HECW2: variants seen among roughly 807,000 people sequenced by gnomAD.
HECW2 encodes E3 ubiquitin-protein ligase HECW2.
In HECW2, 61 loss-of-function variants were observed where a neutral mutation model predicts 175.2. The ratio of observed to expected loss-of-function variants is 0.35; its 90% CI spans 0.28 to 0.43. HECW2 has a LOEUF of 0.43. Ranked by LOEUF, HECW2 falls within the 20% of genes least tolerant of loss-of-function variation. HECW2 has a pLI of 1.00. For missense variants in HECW2, 1,524 were observed against 2,000.5 expected (o/e 0.76, Z 4.54); for synonymous variants, 671 against 731.0 (o/e 0.92, Z 1.32).
chr2:196,368,322 G>A (rs566286721), intron 2 of HECW2, among the ~76,000 whole-genome samples: 3 of 152,246 alleles, frequency 2.0e-5, no homozygotes, highest in African/African-American at 7.2e-5. Context: ...TCTCATTGCA[G>A]TTTTGCTGTG....
chr2:196,569,719 T>C (rs1446445282), intron 1 of HECW2, among the ~76,000 whole-genome samples: 1 of 152,270 alleles, frequency 6.6e-6, no homozygotes, highest in Non-Finnish European at 1.5e-5. Context: ...TAAATTATAA[T>C]GAACACACTA....
chr2:196,208,766 G>C (rs1271874238), intron 28 of HECW2, among the ~76,000 whole-genome samples: 1 of 152,188 alleles, frequency 6.6e-6, no homozygotes, highest in African/African-American at 2.4e-5. Context: ...GAGGCTGGTA[G>C]GTGTCATGGG....
At chr2:196,550,769 G>A (rs1245830288) in intron 1 of HECW2, among the ~76,000 whole-genome samples, 1 of 152,092 alleles carries the variant, frequency 6.6e-6, no homozygotes, top group African/African-American at 2.4e-5. Context: ...GAATTCTATT[G>A]TAAGAATGTA....
At chr2:196,549,208 A>G (rs1411503163) in intron 1 of HECW2, among the ~76,000 whole-genome samples, 1 of 152,240 alleles carries the variant, frequency 6.6e-6, no homozygotes, top group Non-Finnish European at 1.5e-5. Context: ...AATAATTATA[A>G]AGGAAACACA....
rs1426818495 is a variant in HECW2 at position 196,198,548 on chromosome 2, T to C, written c.*2729A>G. 2 of 152,224 alleles carry C rather than the reference T, an allele frequency of 1.3e-5. No homozygotes were observed. The highest frequency in any genetic ancestry group is 4.8e-5 in the African/African-American group (2 of 41,452). The allele number at this position is 152,224 out of a possible 1,614,324, so 9.4% of individuals were successfully genotyped here. ...TTGTAGCTCCATCGTCAAACAAACA[T>C]CAAACTGGCACAGAGGGAATGCCAA... is the stretch of plus-strand genomic sequence containing the variant. On this transcript the variant is annotated 3_prime_UTR_variant, in exon 29 of 29. Transcript: ENST00000644978.
intron 2 of HECW2, among the ~76,000 whole-genome samples, chr2:196,383,197 C>T (rs1050329747): frequency 3.9e-4 from 60 of 152,284 alleles, no homozygotes; most frequent in African/African-American, 1.3e-3. Flanking sequence ...GTCTGATTTG[C>T]GTAACTGCTG....
chr2:196,205,909 C>T (rs1687050197), intron 28 of HECW2, among the ~76,000 whole-genome samples: 1 of 152,088 alleles, frequency 6.6e-6, no homozygotes, highest in Admixed American at 6.5e-5. Flanking sequence ...AACAAGACAG[C>T]ATTGCTAATA....
chr2:196,317,126 G>A (rs145234166), intron 10 of HECW2, 148 bp downstream of exon 10: 96 of 633,376 alleles, frequency 1.5e-4, no homozygotes, highest in African/African-American at 1.1e-3. Context: ...AGCACGTCCC[G>A]GACTACACCT....
chr2:196,242,234 T>C lies in HECW2; in HGVS notation c.3530-30A>G, dbSNP rs751060378. The C allele has an allele frequency of 5.6e-6, 9 of 1,613,678 alleles. No individual in the cohort carries two copies. The South Asian group carries it at 7.7e-5, about 14-fold the overall frequency. On this transcript the variant is annotated intron_variant, in intron 19 of 28. Transcript: ENST00000644978. ...AGCAAACCACAAAGAGAGGACAATCTGGATTTGTGCCTCGTCCTTATGTTC... is the reference window on the plus strand; with the variant it reads ...AGCAAACCACAAAGAGAGGACAATCCGGATTTGTGCCTCGTCCTTATGTTC...
chr2:196,473,807 G>A (rs1011577984), intron 1 of HECW2, among the ~76,000 whole-genome samples: 1 of 152,200 alleles, frequency 6.6e-6, no homozygotes, highest in Non-Finnish European at 1.5e-5. Context: ...CACAATCTAG[G>A]AAACTGAATG....
intron 18 of HECW2, among the ~76,000 whole-genome samples, chr2:196,257,509 G>T (rs1191002884): frequency 6.6e-6 from 1 of 152,078 alleles, no homozygotes; most frequent in East Asian, 1.9e-4. Flanking sequence ...GTAAACGGTG[G>T]ATGCCTTGTT....
chr2:196,276,549 G>C (rs778475618), intron 15 of HECW2, among the ~76,000 whole-genome samples: 1 of 152,168 alleles, frequency 6.6e-6, no homozygotes, highest in African/African-American at 2.4e-5. Context: ...AAAGGGCACG[G>C]GCTATGCAAT....
chr2:196,195,260 A>G lies in HECW2; in HGVS notation c.*6017T>C, dbSNP rs1686648982. 6.6e-6 allele frequency: 1 copy of G among 152,224 alleles called. No homozygotes were observed. The highest frequency in any genetic ancestry group is 2.1e-4 in the South Asian group (1 of 4,834). 9.4% of individuals were successfully genotyped at this position (152,224 alleles called of 1,614,324 possible). A position where few individuals can be genotyped will look rare whatever the true frequency, so the allele number is the denominator to read the frequency against. On this transcript the variant is annotated 3_prime_UTR_variant, in exon 29 of 29. Coordinates refer to ENST00000644978, the MANE Select transcript of HECW2 (RefSeq NM_001348768.2). ...GGTGATAGTAACCAGAAGTTGACTG[A>G]TGGTTCCTTACCTGCATCAGTAATA...
rs1385137698 is a variant in HECW2 at position 196,208,733 on chromosome 2, C to A, written c.4607+7132G>T. 4.6e-5 allele frequency among the ~76,000 whole-genome samples: 7 copies of A among 152,210 alleles called. No homozygotes were observed. The East Asian group carries it at 1.3e-3, about 29-fold the overall frequency. Reference sequence around the variant, plus strand: ...AGCCTTGAAGCATAATTGAGTTTGGCATATTTGAGGAATACACAGAAGGAG... The same window carrying A: ...AGCCTTGAAGCATAATTGAGTTTGGAATATTTGAGGAATACACAGAAGGAG... On this transcript the variant is annotated intron_variant, in intron 28 of 28. Coordinates refer to ENST00000644978, the MANE Select transcript of HECW2 (RefSeq NM_001348768.2).
rs968468221 is a variant in HECW2, at chr2:196,385,415, G to T, written c.293-41651C>A. Among the ~76,000 whole-genome samples, 3 of 152,104 alleles carry T rather than the reference G, an allele frequency of 2.0e-5. No homozygotes were observed. The South Asian group carries it at 6.2e-4, about 32-fold the overall frequency. On this transcript the variant is annotated intron_variant, in intron 2 of 28. Transcript: ENST00000644978. ...TTTTAAAATATGATCTCACTAGAAGGTAATTAATTTTCCATCATGCAGAAC... is the reference window on the plus strand; with the variant it reads ...TTTTAAAATATGATCTCACTAGAAGTTAATTAATTTTCCATCATGCAGAAC...
chr2:196,445,123 T>A (rs1008977753), intron 1 of HECW2, among the ~76,000 whole-genome samples: 4 of 152,212 alleles, frequency 2.6e-5, no homozygotes, highest in African/African-American at 9.6e-5. Context: ...TCACTTATAC[T>A]TCACAGTGCC....
In HECW2 at chr2:196,325,428, C is replaced by T. The variant is rs146237412; in HGVS notation, c.572-279G>A. Among the ~76,000 whole-genome samples, 1,000 of 152,322 alleles carry T rather than the reference C, an allele frequency of 6.6e-3. 6 individuals are homozygous for T. The highest frequency in any genetic ancestry group is 8.8e-3 in the Non-Finnish European group (602 of 68,024). ...TAATTTCAGCAGAGGGGTCACCTAA[C>T]AGGCCGCAAAAGTGAAGCCAAACCT... On this transcript the variant is annotated intron_variant, in intron 5 of 28. Coordinates refer to ENST00000644978, the MANE Select transcript of HECW2 (RefSeq NM_001348768.2).
At chr2:196,452,508 T>G (rs1696377653) in intron 1 of HECW2, among the ~76,000 whole-genome samples, 1 of 152,182 alleles carries the variant, frequency 6.6e-6, no homozygotes, top group Non-Finnish European at 1.5e-5. Context: ...TAATTCTTTA[T>G]AATGAATTTC....
intron 1 of HECW2, among the ~76,000 whole-genome samples, chr2:196,458,937 C>T (rs1696627909): frequency 6.6e-6 from 1 of 152,154 alleles, no homozygotes; most frequent in African/African-American, 2.4e-5. Context: ...GACTAATTAA[C>T]TACTAGTTGT....
Sources: gnomAD v4.1 joint callset for allele counts (sites outside exome capture counted in the v4.1 genomes callset) on GRCh38, gnomAD v4.1.1 for gene constraint, MANE v1.5 for transcripts, NCBI Gene and HGNC (gene_info 2026-07-23, HGNC 2026-07-21) for gene names.